The following BICC1 variants were observed in gnomAD, a reference collection of about 807,000 sequenced individuals.
BICC1 encodes BicC family RNA binding protein 1, also known as protein bicaudal C homolog 1.
In BICC1, 43 loss-of-function variants were observed where a neutral mutation model predicts 111.0. The observed-to-expected ratio is 0.39, with a 90% CI of 0.30 to 0.50. BICC1 has a LOEUF of 0.50. Among genes scored for constraint, BICC1 ranks in the 20% least tolerant of loss-of-function variants. The pLI is 0.88. For missense variants in BICC1, 1,091 were observed against 1,203.2 expected, an observed-to-expected ratio of 0.91 and a Z score of 1.38; for synonymous variants, 467 against 434.4, an observed-to-expected ratio of 1.07 and a Z score of -0.93.
intron 2 of BICC1, among the ~76,000 whole-genome samples, chr10:58,631,859 G>A (rs1837804215): frequency 6.6e-6 from 1 of 152,138 alleles, no homozygotes; most frequent in Non-Finnish European, 1.5e-5. Flanking sequence ...TAAACCCAAA[G>A]TTGTTTGGGT....
At chr10:58,603,200 G>C (rs1845098859) in intron 1 of BICC1, among the ~76,000 whole-genome samples, 1 of 152,170 alleles carries the variant, frequency 6.6e-6, no homozygotes, top group Non-Finnish European at 1.5e-5. Flanking sequence ...GTAATTAAAA[G>C]AGAGAATTGT....
chr10:58,774,806 T>C (rs977238323), intron 3 of BICC1, among the ~76,000 whole-genome samples: 11 of 152,346 alleles, frequency 7.2e-5, no homozygotes, highest in African/African-American at 2.4e-4. Context: ...ATTAGTAAGG[T>C]TGAACTTTAT....
chr10:58,675,979 G>A (rs901387749), intron 2 of BICC1, among the ~76,000 whole-genome samples: 4 of 152,164 alleles, frequency 2.6e-5, no homozygotes, highest in African/African-American at 9.7e-5. Flanking sequence ...TGCAGCCCAC[G>A]GAGAGTGAGC....
chr10:58,803,308 A>G, intron 15 of BICC1, 66 bp downstream of exon 15: 2 of 1,381,750 alleles, frequency 1.4e-6, no homozygotes, highest in East Asian at 2.5e-5. Flanking sequence ...TGGAGAATTC[A>G]GTGAGTGTTC....
chr10:58,809,319 GTTCTT>G (rs1449307301), intron 17 of BICC1, among the ~76,000 whole-genome samples: 4 of 151,922 alleles, frequency 2.6e-5, no homozygotes, highest in African/African-American at 9.7e-5. Context: ...CAGGTGTGAG[GTTCTT>G]TTAAGTTTTT....
intron 3 of BICC1, among the ~76,000 whole-genome samples, chr10:58,763,837 G>A (rs562623691): frequency 4.6e-5 from 7 of 152,016 alleles, no homozygotes; most frequent in African/African-American, 1.7e-4. Context: ...TAGGAAACTG[G>A]AATTGGAAAG....
chr10:58,772,867 A>G (rs1842656601), intron 3 of BICC1, among the ~76,000 whole-genome samples: 2 of 152,234 alleles, frequency 1.3e-5, no homozygotes, highest in African/African-American at 2.4e-5. Flanking sequence ...GAGATGGAAC[A>G]TACAAATAAA....
intron 3 of BICC1, among the ~76,000 whole-genome samples, chr10:58,741,296 A>C (rs1011105456): frequency 1.1e-4 from 17 of 152,186 alleles, no homozygotes; most frequent in African/African-American, 4.1e-4. Flanking sequence ...AGGGATTTGA[A>C]TTAATTTTTA....
chr10:58,792,939 A>G (rs1387107025), intron 8 of BICC1, among the ~76,000 whole-genome samples: 2 of 152,190 alleles, frequency 1.3e-5, no homozygotes, highest in Admixed American at 6.5e-5. Context: ...TTAAGATACC[A>G]AAGTACAAGA....
intron 3 of BICC1, among the ~76,000 whole-genome samples, chr10:58,742,232 T>C (rs887428119): frequency 1.3e-5 from 2 of 152,166 alleles, no homozygotes; most frequent in Non-Finnish European, 1.5e-5. Flanking sequence ...GTATGTTTTG[T>C]CAGAAAGCTG....
At chr10:58,754,225 CTT>C (rs1328845294) in intron 3 of BICC1, among the ~76,000 whole-genome samples, 1 of 151,980 alleles carries the variant, frequency 6.6e-6, no homozygotes, top group Non-Finnish European at 1.5e-5. Flanking sequence ...TTTTTTTACT[CTT>C]GTCTCCTTAC....
intron 1 of BICC1, among the ~76,000 whole-genome samples, chr10:58,528,968 G>A (rs1239267499): frequency 6.6e-6 from 1 of 151,924 alleles, no homozygotes; most frequent in Non-Finnish European, 1.5e-5. Flanking sequence ...CTCGGCTTTG[G>A]AGAAGCAAGT....
intron 2 of BICC1, among the ~76,000 whole-genome samples, chr10:58,674,304 G>T (rs1054589805): frequency 2.2e-4 from 32 of 147,670 alleles, no homozygotes; most frequent in Middle Eastern, 3.5e-3. Context: ...TGTACTATTG[G>T]TTTTTTTTTT....
chr10:58,557,310 T>C lies in BICC1; in HGVS notation c.190+43977T>C, dbSNP rs1025755440. Among the ~76,000 whole-genome samples, 3 of 151,230 alleles carry C rather than the reference T, an allele frequency of 2.0e-5. No individual in the cohort carries two copies. In the Admixed American group the frequency reaches 2.0e-4, roughly 10 times the overall value. ...CTGTTTTAAAGATTGTCTTTAACAT[T>C]GGTTTTAAGCAATTTAGTGATATAT... On this transcript the variant is annotated intron_variant, in intron 1 of 20. Coordinates refer to ENST00000373886, the MANE Select transcript of BICC1 (RefSeq NM_001080512.3).
At chr10:58,821,004 G>A (rs544596167) in intron 20 of BICC1, among the ~76,000 whole-genome samples, 42 of 152,182 alleles carry the variant, frequency 2.8e-4, no homozygotes, top group African/African-American at 9.4e-4. Context: ...GTCACAGAAT[G>A]AAGGAAAATA....
intron 2 of BICC1, among the ~76,000 whole-genome samples, chr10:58,696,601 TTATGACA>T (rs955119069): frequency 2.0e-5 from 3 of 152,208 alleles, no homozygotes; most frequent in African/African-American, 7.2e-5. Flanking sequence ...TCTTCTTTTC[TTATGACA>T]TATAAGATTG....
At chr10:58,566,787 CCTTAT>C (rs1843778093) in intron 1 of BICC1, among the ~76,000 whole-genome samples, 1 of 151,930 alleles carries the variant, frequency 6.6e-6, no homozygotes, top group Non-Finnish European at 1.5e-5. Flanking sequence ...TGTTTGTACC[CCTTAT>C]CTTCTGATGT....
intron 3 of BICC1, among the ~76,000 whole-genome samples, chr10:58,702,885 A>T (rs952858548): frequency 1.3e-5 from 2 of 152,160 alleles, no homozygotes; most frequent in East Asian, 3.9e-4. Flanking sequence ...TTAAAAAATA[A>T]TTGCAGTCTG....
intron 2 of BICC1, among the ~76,000 whole-genome samples, chr10:58,658,006 A>G (rs1226689278): frequency 4.3e-5 from 2 of 46,808 alleles, no homozygotes; most frequent in Non-Finnish European, 8.4e-5. Flanking sequence ...AATTGTGTCA[A>G]TCTGTCCTTC....
Sources: allele counts gnomAD v4.1 joint callset (sites outside exome capture counted in the v4.1 genomes callset), GRCh38; gene constraint gnomAD v4.1.1; transcripts MANE v1.5; gene names NCBI Gene and HGNC (gene_info 2026-07-23, HGNC 2026-07-21).